The following THSD4 variants were observed in gnomAD, a reference collection of about 807,000 sequenced individuals.
THSD4 encodes the protein thrombospondin type 1 domain containing 4.
Under a neutral mutation model 119.0 loss-of-function variants are expected in THSD4, and 69 were observed. The observed-to-expected ratio is 0.58, with a 90% CI of 0.48 to 0.71. The LOEUF is 0.71. Among genes scored for constraint, THSD4 ranks in the 30% least tolerant of loss-of-function variants. The probability of loss-of-function intolerance (pLI) is 0.00; values close to 1 mark genes in which losing one functional copy is unlikely to be tolerated. For missense variants in THSD4, 1,393 were observed against 1,391.1 expected (o/e 1.00, Z -0.02); for synonymous variants, 524 against 540.4 (o/e 0.97, Z 0.42).
intron 6 of THSD4, among the ~76,000 whole-genome samples, chr15:71,260,225 AT>A (rs1417852136): frequency 1.3e-5 from 2 of 152,096 alleles, no homozygotes; most frequent in Non-Finnish European, 2.9e-5. Context: ...TTTTTCTGTT[AT>A]TTTTTTCCCC....
intron 7 of THSD4, among the ~76,000 whole-genome samples, chr15:71,468,798 G>A (rs2047534071): frequency 6.6e-6 from 1 of 152,134 alleles, no homozygotes; most frequent in African/African-American, 2.4e-5. Context: ...AGTGACTGCT[G>A]CAGCTCCAGC....
intron 7 of THSD4, among the ~76,000 whole-genome samples, chr15:71,639,803 T>C (rs1345283720): frequency 6.7e-6 from 1 of 150,150 alleles, no homozygotes; most frequent in Non-Finnish European, 1.5e-5. Context: ...TCTTACAGGA[T>C]GGCCTAAGAC....
chr15:71,135,392 C>CAAAAAAAAAA (rs1170278742), intron 1 of THSD4, among the ~76,000 whole-genome samples: 7 of 122,518 alleles, frequency 5.7e-5, no homozygotes, highest in Non-Finnish European at 6.6e-5. Flanking sequence ...TACTAAATGA[C>CAAAAAAAAAA]AAAAAAAAAA....
intron 8 of THSD4, among the ~76,000 whole-genome samples, chr15:71,692,960 G>A (rs956592447): frequency 1.1e-5 from 1 of 93,194 alleles, no homozygotes. Context: ...ATAACTTAAG[G>A]AAGAGCAGTT....
intron 7 of THSD4, among the ~76,000 whole-genome samples, chr15:71,424,659 C>T (rs1277782406): frequency 6.6e-6 from 1 of 152,066 alleles, no homozygotes; most frequent in Non-Finnish European, 1.5e-5. Flanking sequence ...TTTATGCAAG[C>T]GAAATATCAC....
At position 71,519,733 on chromosome 15, in the gene THSD4, G is replaced by C. The variant is rs1000645689; in HGVS notation, c.1152+107910G>C. On this transcript the variant is annotated intron_variant, in intron 7 of 17. Coordinates refer to ENST00000261862, the MANE Select transcript of THSD4 (RefSeq NM_024817.3). ...AGTGTACAGTAGCAAGACAGGAAGT[G>C]GGAAAAATGGTTAGAAGAACATGAA... is the stretch of plus-strand genomic sequence containing the variant. Among the ~76,000 whole-genome samples the C allele has an allele frequency of 2.6e-5, 4 of 152,184 alleles. No homozygotes were observed. In the East Asian group the frequency reaches 7.7e-4, roughly 29 times the overall value.
chr15:71,399,935 A>G (rs531047082), intron 6 of THSD4, among the ~76,000 whole-genome samples: 1 of 152,362 alleles, frequency 6.6e-6, no homozygotes, highest in East Asian at 1.9e-4. Flanking sequence ...GACTATTGAT[A>G]GAAAATTGAG....
chr15:71,280,660 T>C (rs771118794), intron 6 of THSD4, among the ~76,000 whole-genome samples: 11 of 150,792 alleles, frequency 7.3e-5, no homozygotes, highest in Admixed American at 1.3e-4. Flanking sequence ...TTGTTTCTCC[T>C]GGTTTCAGTG....
chr15:71,770,937 T>C (rs746319019), intron 16 of THSD4, 127 bp from the exon 17 acceptor site: 1 of 1,384,436 alleles, frequency 7.2e-7, no homozygotes, highest in Non-Finnish European at 9.9e-7. Flanking sequence ...GATAGGTACA[T>C]GGGAGTTTGT....
intron 7 of THSD4, among the ~76,000 whole-genome samples, chr15:71,503,553 A>C (rs1033226716): frequency 6.6e-6 from 1 of 152,118 alleles, no homozygotes; most frequent in African/African-American, 2.4e-5. Flanking sequence ...AAACAAAACA[A>C]GTGTCCCGTC....
intron 8 of THSD4, among the ~76,000 whole-genome samples, chr15:71,704,201 A>G (rs2052350420): frequency 6.6e-6 from 1 of 152,228 alleles, no homozygotes; most frequent in Non-Finnish European, 1.5e-5. Flanking sequence ...TCCCCAAGAA[A>G]CCAGTTTTCT....
chr15:71,183,372 C>T (rs1019184715), intron 3 of THSD4, among the ~76,000 whole-genome samples: 4 of 151,732 alleles, frequency 2.6e-5, no homozygotes, highest in Non-Finnish European at 4.4e-5. Flanking sequence ...GATGGGGACA[C>T]AGCGAAACCA....
At position 71,780,650 on chromosome 15, in the gene THSD4, A is replaced by T. The variant is rs200841286; in HGVS notation, c.*3276A>T. ...GCTGTTGGGGACCCCAGGGAGGGCAAGGCAGCCTGTCCCCGCCCCCAGGGA... is the reference window on the plus strand; with the variant it reads ...GCTGTTGGGGACCCCAGGGAGGGCATGGCAGCCTGTCCCCGCCCCCAGGGA... On this transcript the variant is annotated 3_prime_UTR_variant, in exon 18 of 18. Coordinates refer to ENST00000261862, the MANE Select transcript of THSD4 (RefSeq NM_024817.3). The T allele has an allele frequency of 1.9e-3, 885 of 456,680 alleles. 2 individuals are homozygous for T. Among genetic ancestry groups the T allele is most frequent in the Middle Eastern group, 5.2e-3 (16 of 3,076 alleles). 28.3% of individuals were successfully genotyped at this position (456,680 alleles called of 1,614,324 possible). A position where few individuals can be genotyped will look rare whatever the true frequency, so the allele number is the denominator to read the frequency against.
chr15:71,454,561 C>A (rs942000786), intron 7 of THSD4, among the ~76,000 whole-genome samples: 7 of 152,138 alleles, frequency 4.6e-5, no homozygotes, highest in African/African-American at 1.7e-4. Flanking sequence ...ATAGTTAACG[C>A]CTTTTAAGCA....
intron 1 of THSD4, among the ~76,000 whole-genome samples, chr15:71,118,565 T>G (rs960562728): frequency 6.6e-6 from 1 of 151,886 alleles, no homozygotes; most frequent in Admixed American, 6.6e-5. Flanking sequence ...TGTCCTCATG[T>G]TAGTGGCCCC....
chr15:71,134,608 C>A (rs528745165), intron 1 of THSD4, among the ~76,000 whole-genome samples: 1 of 152,336 alleles, frequency 6.6e-6, no homozygotes, highest in East Asian at 1.9e-4. Context: ...TGCATGCCCG[C>A]CCTGTGTCGG....
chr15:71,578,126 G>GTA (rs1456000345), intron 7 of THSD4, among the ~76,000 whole-genome samples: 2 of 149,422 alleles, frequency 1.3e-5, no homozygotes, highest in African/African-American at 4.9e-5. Context: ...GATCTATATA[G>GTA]TATATATATA....
intron 5 of THSD4, among the ~76,000 whole-genome samples, chr15:71,246,952 C>T (rs1006577407): frequency 6.8e-5 from 10 of 147,300 alleles, no homozygotes; most frequent in East Asian, 2.0e-4. Context: ...TGCAGTGGCA[C>T]GATCTCAGGT....
At chr15:71,298,124 T>A (rs182155866) in intron 6 of THSD4, among the ~76,000 whole-genome samples, 1 of 152,196 alleles carries the variant, frequency 6.6e-6, no homozygotes, top group Non-Finnish European at 1.5e-5. Flanking sequence ...TTTTTGTATA[T>A]GGTGTAAGGT....
Sources: gnomAD v4.1 joint callset for allele counts (sites outside exome capture counted in the v4.1 genomes callset) on GRCh38, gnomAD v4.1.1 for gene constraint, MANE v1.5 for transcripts, NCBI Gene and HGNC (gene_info 2026-07-23, HGNC 2026-07-21) for gene names.